Variants in ASIC2 observed in about 807,000 individuals in gnomAD.
ASIC2 encodes acid-sensing ion channel 2.
In ASIC2, 25 loss-of-function variants were observed where a neutral mutation model predicts 57.3. The observed-to-expected ratio is 0.44, with a 90% CI of 0.32 to 0.61. The LOEUF (loss-of-function observed/expected upper bound fraction) is 0.61, where lower values mean the gene tolerates loss of function less well. Among genes scored for constraint, ASIC2 ranks in the 20% least tolerant of loss-of-function variants. ASIC2 has a pLI of 0.06. For synonymous variants in ASIC2, 319 were observed against 307.5 expected, an observed-to-expected ratio of 1.04 and a Z score of -0.39; for missense variants, 641 against 738.1, an observed-to-expected ratio of 0.87 and a Z score of 1.52.
At chr17:33,539,463 T>C (rs1345948191) in intron 1 of ASIC2, among the ~76,000 whole-genome samples, 1 of 152,224 alleles carries the variant, frequency 6.6e-6, no homozygotes, top group Non-Finnish European at 1.5e-5. Context: ...GCTGGAAGCA[T>C]AGGCAGGGCA....
intron 1 of ASIC2, among the ~76,000 whole-genome samples, chr17:33,733,999 C>A (rs1415670696): frequency 6.6e-6 from 1 of 152,196 alleles, no homozygotes; most frequent in Non-Finnish European, 1.5e-5. Flanking sequence ...CACACCCTTT[C>A]CCCTCCCCCT....
chr17:33,675,010 G>A (rs923136661), intron 1 of ASIC2, among the ~76,000 whole-genome samples: 1 of 152,284 alleles, frequency 6.6e-6, no homozygotes, highest in South Asian at 2.1e-4. Flanking sequence ...ATAAACAAAG[G>A]TGGGCACTTT....
intron 1 of ASIC2, among the ~76,000 whole-genome samples, chr17:33,484,636 C>A (rs1370471502): frequency 3.3e-5 from 5 of 152,180 alleles, no homozygotes; most frequent in Admixed American, 6.5e-5. Context: ...TACAATACAT[C>A]TCAGCTCAGA....
At chr17:33,636,187 T>C (rs115937611) in intron 1 of ASIC2, among the ~76,000 whole-genome samples, 5 of 152,342 alleles carry the variant, frequency 3.3e-5, no homozygotes, top group African/African-American at 1.2e-4. Flanking sequence ...TGCTAGTATA[T>C]GCAAATAAAA....
At chr17:33,431,826 G>C (rs1035280348) in intron 1 of ASIC2, among the ~76,000 whole-genome samples, 1 of 150,774 alleles carries the variant, frequency 6.6e-6, no homozygotes. Context: ...AGAGAATAAG[G>C]TACAGACAAC....
chr17:33,374,240 G>A (rs191925674), intron 1 of ASIC2, among the ~76,000 whole-genome samples: 15 of 152,110 alleles, frequency 9.9e-5, no homozygotes, highest in Admixed American at 4.6e-4. Context: ...AGGTGATCCC[G>A]CCTGCCTCCA....
chr17:33,871,885 T>C (rs1914421551), intron 1 of ASIC2, among the ~76,000 whole-genome samples: 1 of 151,978 alleles, frequency 6.6e-6, no homozygotes, highest in African/African-American at 2.4e-5. Context: ...CACCTCTGGG[T>C]GGGGTGAGGT....
At chr17:33,654,306 G>A (rs1222916306) in intron 1 of ASIC2, among the ~76,000 whole-genome samples, 1 of 152,242 alleles carries the variant, frequency 6.6e-6, no homozygotes, top group Non-Finnish European at 1.5e-5. Context: ...TGCAGAAGCA[G>A]AAGTGAAGAT....
intron 1 of ASIC2, among the ~76,000 whole-genome samples, chr17:33,452,862 A>T (rs185153781): frequency 3.0e-4 from 45 of 152,060 alleles, no homozygotes; most frequent in African/African-American, 9.6e-4. Context: ...GCTGGAACCC[A>T]GCTGAAACTT....
chr17:34,069,070 C>G (rs1347084408), intron 1 of ASIC2, among the ~76,000 whole-genome samples: 2 of 152,210 alleles, frequency 1.3e-5, no homozygotes, highest in East Asian at 3.9e-4. Context: ...ACTCCTACCC[C>G]TCTGAACTCC....
At chr17:33,357,514 C>T (rs890935839) in intron 1 of ASIC2, among the ~76,000 whole-genome samples, 7 of 152,166 alleles carry the variant, frequency 4.6e-5, no homozygotes, top group Admixed American at 1.3e-4. Flanking sequence ...ATATGCTTAT[C>T]TTCTCCCTGG....
chr17:33,301,511 G>A (rs1156408042), intron 1 of ASIC2, among the ~76,000 whole-genome samples: 4 of 152,138 alleles, frequency 2.6e-5, no homozygotes, highest in African/African-American at 9.7e-5. Flanking sequence ...TAAGGTGGCT[G>A]GAAATTAGCT....
At chr17:33,023,156 A>G (rs2091844362) in intron 6 of ASIC2, among the ~76,000 whole-genome samples, 1 of 152,158 alleles carries the variant, frequency 6.6e-6, no homozygotes, top group South Asian at 2.1e-4. Context: ...GAGGGAATAG[A>G]ACGTGCAAGG....
chr17:34,094,545 C>A (rs547034434), intron 1 of ASIC2, among the ~76,000 whole-genome samples: 2 of 152,192 alleles, frequency 1.3e-5, no homozygotes, highest in Non-Finnish European at 2.9e-5. Context: ...CACACAGTTA[C>A]ACAGTTAGTG....
chr17:33,306,251 T>C (rs1000961794), intron 1 of ASIC2, among the ~76,000 whole-genome samples: 12 of 152,320 alleles, frequency 7.9e-5, no homozygotes, highest in African/African-American at 2.6e-4. Flanking sequence ...AGGCGGTAAG[T>C]GACAGCAGCA....
At chr17:33,213,604 C>T (rs1178434938) in intron 1 of ASIC2, among the ~76,000 whole-genome samples, 5 of 152,184 alleles carry the variant, frequency 3.3e-5, no homozygotes, top group African/African-American at 9.7e-5. Context: ...CATCGTCCTG[C>T]GGTCTCTAAG....
At chr17:33,435,855 G>C (rs2141981021) in intron 1 of ASIC2, among the ~76,000 whole-genome samples, 1 of 152,326 alleles carries the variant, frequency 6.6e-6, no homozygotes, top group South Asian at 2.1e-4. Flanking sequence ...GGTCAAACCT[G>C]AGTCTGATCA....
At chr17:34,128,899 T>G (rs1436610471) in intron 1 of ASIC2, among the ~76,000 whole-genome samples, 3 of 152,056 alleles carry the variant, frequency 2.0e-5, no homozygotes, top group African/African-American at 7.2e-5. Context: ...CCATCAGAAA[T>G]TCTGATTTAA....
chr17:33,844,901 C>A (rs1229970246), intron 1 of ASIC2, among the ~76,000 whole-genome samples: 1 of 151,972 alleles, frequency 6.6e-6, no homozygotes, highest in Non-Finnish European at 1.5e-5. Flanking sequence ...TTGAGTATCC[C>A]CATTTTACAG....
Sources: gnomAD v4.1 joint callset for allele counts (sites outside exome capture counted in the v4.1 genomes callset) on GRCh38, gnomAD v4.1.1 for gene constraint, MANE v1.5 for transcripts, NCBI Gene and HGNC (gene_info 2026-07-23, HGNC 2026-07-21) for gene names.